Variants in NTRK3 observed in about 807,000 individuals in gnomAD.
The protein encoded by NTRK3 is NT-3 growth factor receptor.
Under a neutral mutation model 91.7 loss-of-function variants are expected in NTRK3, and 24 were observed. The ratio of observed to expected loss-of-function variants is 0.26; its 90% CI spans 0.19 to 0.37. The LOEUF (loss-of-function observed/expected upper bound fraction) is 0.37, where lower values mean the gene tolerates loss of function less well. Among genes scored for constraint, NTRK3 ranks in the 10% least tolerant of loss-of-function variants. The probability of loss-of-function intolerance (pLI) is 1.00; values close to 1 mark genes in which losing one functional copy is unlikely to be tolerated. For synonymous variants in NTRK3, 483 were observed against 404.0 expected (o/e 1.20, Z -2.34); for missense variants, 880 against 1,068.9 (o/e 0.82, Z 2.46).
chr15:87,952,756 G>A (rs2071261799), intron 14 of NTRK3, among the ~76,000 whole-genome samples: 1 of 152,124 alleles, frequency 6.6e-6, no homozygotes, highest in South Asian at 2.1e-4. Context: ...AGTCCCGAGA[G>A]GTCACGCTGG....
At chr15:88,032,762 G>C in intron 14 of NTRK3, 95 bp downstream of exon 14, 1 of 1,378,664 alleles carries the variant, frequency 7.3e-7, no homozygotes, top group East Asian at 2.4e-5. Context: ...GCAGGTAGCA[G>C]GTCACCCTAG....
intron 14 of NTRK3, 40 bp downstream of exon 14, chr15:88,032,816 TC>T: frequency 6.2e-7 from 1 of 1,606,508 alleles, no homozygotes; most frequent in East Asian, 2.2e-5. Context: ...CCAACCACCC[TC>T]CCCTCCCCAG....
intron 3 of NTRK3, among the ~76,000 whole-genome samples, chr15:88,201,769 T>C (rs112138987): frequency 1.0e-3 from 153 of 152,284 alleles, no homozygotes; most frequent in African/African-American, 3.5e-3. Flanking sequence ...GCCACCATGA[T>C]GTTGGGCTTT....
intron 13 of NTRK3, among the ~76,000 whole-genome samples, chr15:88,110,665 A>G (rs542135108): frequency 1.4e-4 from 22 of 152,342 alleles, no homozygotes; most frequent in Non-Finnish European, 2.8e-4. Context: ...ATAACTGTGC[A>G]AAGTGCTACA....
At chr15:87,872,370 G>A in exon 19 of NTRK3, 1 of 224,772 alleles carries the variant, frequency 4.4e-6, no homozygotes, top group Non-Finnish European at 8.9e-6. Flanking sequence ...AATAGAAAAG[G>A]ACTTTGGTGA....
chr15:88,220,289 T>C (rs560090273), intron 3 of NTRK3, among the ~76,000 whole-genome samples: 13 of 152,236 alleles, frequency 8.5e-5, no homozygotes, highest in Non-Finnish European at 1.5e-4. Flanking sequence ...GGTCCTACTG[T>C]AGGCACGGAG....
At chr15:88,051,716 T>C (rs1480202570) in intron 13 of NTRK3, among the ~76,000 whole-genome samples, 1 of 152,146 alleles carries the variant, frequency 6.6e-6, no homozygotes, top group Non-Finnish European at 1.5e-5. Flanking sequence ...TAACTAAAAA[T>C]AATTCTAGTA....
intron 11 of NTRK3, among the ~76,000 whole-genome samples, chr15:88,128,409 G>A (rs951587342): frequency 6.6e-6 from 1 of 152,168 alleles, no homozygotes; most frequent in Non-Finnish European, 1.5e-5. Flanking sequence ...TGAGGCACAT[G>A]AAACCCATGT....
chr15:87,938,569 A>C (rs371391458), intron 15 of NTRK3, among the ~76,000 whole-genome samples: 14 of 152,148 alleles, frequency 9.2e-5, no homozygotes, highest in Admixed American at 2.0e-4. Context: ...AAAGGATGGA[A>C]ACAGAAACAC....
At chr15:88,084,145 C>A (rs986905558) in intron 13 of NTRK3, among the ~76,000 whole-genome samples, 1 of 148,470 alleles carries the variant, frequency 6.7e-6, no homozygotes, top group African/African-American at 2.5e-5. Context: ...AACAGGAAAT[C>A]ATACTGTGCC....
exon 19 of NTRK3, chr15:87,860,867 A>T (rs1342135996): frequency 4.6e-6 from 1 of 219,144 alleles, no homozygotes; most frequent in Non-Finnish European, 9.2e-6. Flanking sequence ...ATCAATTGGG[A>T]TTAAAATAAA....
At chr15:87,929,484 A>C (rs2068609361) in intron 16 of NTRK3, 50 bp from the exon 17 acceptor site, 3 of 1,605,030 alleles carry the variant, frequency 1.9e-6, no homozygotes, top group Middle Eastern at 1.7e-4. Context: ...TCAGGAGATC[A>C]AGGAGAAAGG....
At chr15:88,146,441 G>A (rs764923511) in intron 6 of NTRK3, among the ~76,000 whole-genome samples, 12 of 152,130 alleles carry the variant, frequency 7.9e-5, no homozygotes, top group African/African-American at 2.4e-4. Context: ...ACACATGAGC[G>A]GTGTCTCTGG....
intron 17 of NTRK3, 79 bp downstream of exon 17, chr15:87,929,112 G>T (rs2068573669): frequency 1.9e-6 from 3 of 1,607,648 alleles, no homozygotes; most frequent in Non-Finnish European, 2.6e-6. Flanking sequence ...GAGTGACAGG[G>T]TTAATGGACA....
At chr15:88,106,423 C>G (rs2050715624) in intron 13 of NTRK3, among the ~76,000 whole-genome samples, 2 of 152,130 alleles carry the variant, frequency 1.3e-5, no homozygotes, top group African/African-American at 4.8e-5. Context: ...GGATTAGATT[C>G]TGAATTAACC....
In NTRK3 at chr15:87,863,738, T is replaced by G. The variant is rs1401210835; in HGVS notation, c.*13197A>C. The G allele has an allele frequency of 1.3e-5, 3 of 228,724 alleles. No individual in the cohort carries two copies. The East Asian group carries it at 1.9e-4, about 14-fold the overall frequency. The allele number at this position is 228,724 out of a possible 1,614,324, so 14.2% of individuals were successfully genotyped here. A position where few individuals can be genotyped will look rare whatever the true frequency, so the allele number is the denominator to read the frequency against. ...CAGTCCCCACCTACTGATTTCTTTT[T>G]CTGATACCAGTTGCAGACAATAATT... On this transcript the variant is annotated 3_prime_UTR_variant, in exon 19 of 19. Coordinates refer to ENST00000394480, the Ensembl canonical transcript of NTRK3.
Position 88,234,056 on chromosome 15 carries a change from G to C in NTRK3, c.248+21850C>G, listed in dbSNP as rs948071549. Among the ~76,000 whole-genome samples, 1 of 151,982 alleles carries C rather than the reference G, an allele frequency of 6.6e-6. No individual in the cohort carries two copies. Among genetic ancestry groups the C allele is most frequent in the African/African-American group, 2.4e-5 (1 of 41,382 alleles). ...GCCACCATGCACCTCGATGCCTCTC[G>C]GGTGGGACCAAGCCTTCTTCTCATG... On this transcript the variant is annotated intron_variant, in intron 3 of 18. Transcript: ENST00000394480. This position sits in a 1 kb window ranked among gnomAD's most constrained non-coding sequence, Gnocchi z 6.1.
chr15:87,918,436 G>A (rs555629112), intron 17 of NTRK3, among the ~76,000 whole-genome samples: 29 of 152,200 alleles, frequency 1.9e-4, no homozygotes, highest in African/African-American at 1.4e-4. Context: ...ATCACACACC[G>A]TTCTAGATCA....
At chr15:88,013,884 G>T (rs539117322) in intron 14 of NTRK3, among the ~76,000 whole-genome samples, 7 of 152,200 alleles carry the variant, frequency 4.6e-5, no homozygotes, top group African/African-American at 1.7e-4. Flanking sequence ...AGGCTGCAGT[G>T]AGCCAATATC....
Sources: allele counts gnomAD v4.1 joint callset (sites outside exome capture counted in the v4.1 genomes callset), GRCh38; gene constraint gnomAD v4.1.1; non-coding constraint Gnocchi (gnomAD v3.1); transcripts MANE v1.5; gene names NCBI Gene and HGNC (gene_info 2026-07-23, HGNC 2026-07-21).